C19orf47: variants seen among roughly 807,000 people sequenced by gnomAD.
C19orf47 encodes the protein uncharacterized protein C19orf47.
C19orf47 carries 18 observed loss-of-function variants against 32.3 expected under a neutral mutation model. That is an observed-to-expected ratio of 0.56 (90% CI 0.39 to 0.83). The LOEUF is 0.83. C19orf47 is among the 40% of genes least tolerant of loss of function. The pLI, the probability that C19orf47 is intolerant of heterozygous loss-of-function variation, is 0.00. For missense variants in C19orf47, 484 were observed against 531.6 expected, an observed-to-expected ratio of 0.91 and a Z score of 0.88; for synonymous variants, 202 against 211.1, an observed-to-expected ratio of 0.96 and a Z score of 0.37.
chr19:40,308,675 G>A, the C19orf47 span, among the ~76,000 whole-genome samples: 3 of 146,912 alleles, frequency 2.0e-5, no homozygotes, highest in African/African-American at 7.5e-5. Flanking sequence ...TGTTGGCCAG[G>A]CTGGTCTCAA....
chr19:40,340,387 T>C (rs2078152277), intron 2 of C19orf47, among the ~76,000 whole-genome samples: 2 of 152,122 alleles, frequency 1.3e-5, no homozygotes, highest in Admixed American at 1.3e-4. Context: ...AATGGAATTA[T>C]AAAGAATACA....
the C19orf47 span, among the ~76,000 whole-genome samples, chr19:40,297,701 GAA>G: frequency 1.8e-5 from 2 of 110,860 alleles, no homozygotes; most frequent in African/African-American, 4.8e-5. Flanking sequence ...CTCCGTCTCG[GAA>G]AAAAAAAAAA....
intron 5 of C19orf47, among the ~76,000 whole-genome samples, chr19:40,333,517 T>C (rs1357571928): frequency 1.3e-5 from 2 of 152,114 alleles, no homozygotes; most frequent in Non-Finnish European, 2.9e-5. Flanking sequence ...AAAATAAAGC[T>C]ATATATTTGA....
intron 1 of C19orf47, chr19:40,342,466 C>CG (rs1568627156): frequency 6.5e-6 from 1 of 153,390 alleles, no homozygotes; most frequent in African/African-American, 2.4e-5. Flanking sequence ...CAAACAAACC[C>CG]AAAACCCTAT....
At chr19:40,335,704 C>T (rs1164216736) in intron 4 of C19orf47, among the ~76,000 whole-genome samples, 2 of 151,824 alleles carry the variant, frequency 1.3e-5, no homozygotes, top group Non-Finnish European at 1.5e-5. Context: ...CCGCCACCCA[C>T]GTTCACGTCA....
At chr19:40,345,341 G>A (rs949985348) in intron 1 of C19orf47, among the ~76,000 whole-genome samples, 7 of 151,966 alleles carry the variant, frequency 4.6e-5, no homozygotes, top group African/African-American at 1.7e-4. Context: ...ATTTTACCAC[G>A]TCCTAATCCT....
downstream of C19orf47, among the ~76,000 whole-genome samples, chr19:40,315,220 G>A (rs545070076): frequency 6.6e-6 from 1 of 152,240 alleles, no homozygotes; most frequent in African/African-American, 2.4e-5. Flanking sequence ...TAATACTAAT[G>A]GATCGATATT....
intron 5 of C19orf47, among the ~76,000 whole-genome samples, chr19:40,330,540 C>CTTTTTT (rs398034615): frequency 1.1e-4 from 7 of 64,600 alleles, no homozygotes; most frequent in African/African-American, 2.1e-4. Flanking sequence ...ACCCGGCCCT[C>CTTTTTT]TTTTTTTTTT....
rs563493995 is a variant in C19orf47, at chr19:40,346,612, T to C, written c.-34+1712A>G. The stretch of plus-strand genomic sequence containing the variant: ...CGTGATCTCGTCTCACTGCAACCTC[T>C]GCCTCCCAGGTTCAAGCAATTATCC... On this transcript the variant is annotated intron_variant, in intron 1 of 8. Coordinates refer to ENST00000683109, the MANE Select transcript of C19orf47 (RefSeq NM_001256441.2). Among the ~76,000 whole-genome samples, 518 of 149,034 alleles carry C rather than the reference T, an allele frequency of 3.5e-3. 1 individual carries two copies. Among genetic ancestry groups the C allele is most frequent in the Non-Finnish European group, 5.1e-3 (341 of 67,128 alleles).
the C19orf47 span, among the ~76,000 whole-genome samples, chr19:40,313,326 A>T: frequency 6.6e-6 from 1 of 152,054 alleles, no homozygotes; most frequent in African/African-American, 2.4e-5. Context: ...TTGCTTTTTT[A>T]AATTTTTTAT....
chr19:40,313,918 G>A, the C19orf47 span, among the ~76,000 whole-genome samples: 1 of 151,380 alleles, frequency 6.6e-6, no homozygotes, highest in South Asian at 2.1e-4. Context: ...GCAACAGAGG[G>A]AGACTCTGTC....
At chr19:40,348,519 T>C, upstream of C19orf47, 1 of 1,480,968 alleles carries the variant, frequency 6.8e-7, no homozygotes, top group Non-Finnish European at 8.9e-7. Context: ...AACCATCACG[T>C]GACCGCCCAC....
At chr19:40,340,663 G>C (rs796152267) in intron 2 of C19orf47, among the ~76,000 whole-genome samples, 7 of 147,654 alleles carry the variant, frequency 4.7e-5, no homozygotes, top group African/African-American at 1.8e-4. Flanking sequence ...CCTGGCGACA[G>C]AGCAAGACTC....
the C19orf47 span, among the ~76,000 whole-genome samples, chr19:40,301,313 T>TTTATTTATTTATTTA: frequency 7.1e-6 from 1 of 140,192 alleles, no homozygotes; most frequent in African/African-American, 2.7e-5. Flanking sequence ...CTTGAGAGGC[T>TTTATTTATTTATTTA]TTTATTTATT....
chr19:40,303,085 G>A, the C19orf47 span, among the ~76,000 whole-genome samples: 4 of 151,916 alleles, frequency 2.6e-5, no homozygotes, highest in Non-Finnish European at 4.4e-5. Context: ...AAAATTAGCC[G>A]GGCGGGGTGG....
intron 2 of C19orf47, among the ~76,000 whole-genome samples, chr19:40,341,144 G>A (rs1011675817): frequency 2.0e-5 from 3 of 151,952 alleles, no homozygotes; most frequent in Non-Finnish European, 2.9e-5. Context: ...GACCAGCCTG[G>A]CCAACATGGT....
At chr19:40,324,153 C>T (rs2077780611) in intron 7 of C19orf47, 77 bp from the exon 8 acceptor site, 4 of 1,383,864 alleles carry the variant, frequency 2.9e-6, no homozygotes, top group Non-Finnish European at 4.1e-6. Context: ...GACACCAAGG[C>T]AGCCCAGACA....
intron 1 of C19orf47, among the ~76,000 whole-genome samples, chr19:40,344,156 A>C (rs554143859): frequency 1.6e-4 from 24 of 152,036 alleles, no homozygotes; most frequent in African/African-American, 5.3e-4. Flanking sequence ...TCTTAGATCC[A>C]ATTTCCCTCC....
At chr19:40,347,854 C>A (rs1423365104) in intron 1 of C19orf47, among the ~76,000 whole-genome samples, 2 of 152,082 alleles carry the variant, frequency 1.3e-5, no homozygotes, top group South Asian at 4.1e-4. Flanking sequence ...TCTTTACACA[C>A]ACAGATTTCA....
Sources: allele counts gnomAD v4.1 joint callset (sites outside exome capture counted in the v4.1 genomes callset), GRCh38; gene constraint gnomAD v4.1.1; transcripts MANE v1.5; gene names NCBI Gene and HGNC (gene_info 2026-07-23, HGNC 2026-07-21).